Variants in AP4E1 observed in about 807,000 individuals in gnomAD.
The protein encoded by AP4E1 is AP-4 complex subunit epsilon-1.
In AP4E1, 56 loss-of-function variants were observed where a neutral mutation model predicts 128.2. The ratio of observed to expected loss-of-function variants is 0.44; its 90% confidence interval spans 0.35 to 0.55. The LOEUF is 0.55. AP4E1 is among the 20% of genes least tolerant of loss of function. The pLI is 0.00. For missense variants in AP4E1, 1,324 were observed against 1,307.7 expected, an observed-to-expected ratio of 1.01 and a Z score of -0.19; for synonymous variants, 484 against 473.1, an observed-to-expected ratio of 1.02 and a Z score of -0.30.
At chr15:50,964,696 G>C (rs1482653772) in intron 14 of AP4E1, among the ~76,000 whole-genome samples, 2 of 151,888 alleles carry the variant, frequency 1.3e-5, no homozygotes, top group Non-Finnish European at 2.9e-5. Flanking sequence ...GATTCTGGAT[G>C]GGCACAGTAG....
intron 7 of AP4E1, among the ~76,000 whole-genome samples, chr15:50,931,750 T>A (rs1292987851): frequency 6.6e-6 from 1 of 151,984 alleles, no homozygotes; most frequent in Non-Finnish European, 1.5e-5. Context: ...ATTCTTTTAA[T>A]TTTTTTTCCA....
At chr15:50,927,457 C>T (rs1222387040) in intron 5 of AP4E1, among the ~76,000 whole-genome samples, 2 of 151,474 alleles carry the variant, frequency 1.3e-5, no homozygotes, top group Non-Finnish European at 2.9e-5. Flanking sequence ...CTAGGTCTCT[C>T]GTCTTATGTT....
Position 50,915,574 on chromosome 15 carries a change from A to G in AP4E1, c.346+3A>G. On this transcript the variant is annotated splice_donor_region_variant and intron_variant, in intron 3 of 20. Transcript: ENST00000261842. ...AAACCTCTTAGAAAAAAGAGTAGGT[A>G]TGTATGTGTTTTAAGACTTTGATGC... is the stretch of plus-strand genomic sequence containing the variant. 1 of 1,613,492 alleles carries G rather than the reference A, an allele frequency of 6.2e-7. No individual in the cohort carries two copies. Among genetic ancestry groups the G allele is most frequent in the Non-Finnish European group, 8.5e-7 (1 of 1,179,664 alleles).
At chr15:50,940,760 C>T (rs770903663) in intron 8 of AP4E1, among the ~76,000 whole-genome samples, 3 of 152,124 alleles carry the variant, frequency 2.0e-5, no homozygotes, top group Non-Finnish European at 2.9e-5. Context: ...CCATTTTGAT[C>T]ATTCACTTTG....
intron 16 of AP4E1, among the ~76,000 whole-genome samples, chr15:50,990,868 A>G (rs2064796852): frequency 6.6e-6 from 1 of 152,196 alleles, no homozygotes; most frequent in African/African-American, 2.4e-5. Context: ...TTCCCTGGGA[A>G]GCACATTCTG....
At chr15:50,947,077 C>T (rs540557296) in intron 10 of AP4E1, among the ~76,000 whole-genome samples, 17 of 151,922 alleles carry the variant, frequency 1.1e-4, no homozygotes, top group Admixed American at 2.6e-4. Flanking sequence ...GCCTGGGCTA[C>T]AGAGTGAGAC....
In AP4E1 at chr15:50,986,398, G is replaced by A. The variant is rs759147660; in HGVS notation, c.2090+2253G>A. On this transcript the variant is annotated intron_variant, in intron 16 of 20. Coordinates refer to ENST00000261842, the MANE Select transcript of AP4E1 (RefSeq NM_007347.5). ...CCTGTCTTGTGCCACTTTTCAAAGG[G>A]AATGCTTCCAGTTTTTGCCCATTCA... Among the ~76,000 whole-genome samples the A allele has an allele frequency of 5.3e-3, 801 of 152,258 alleles. 2 individuals are homozygous for A. The highest frequency in any genetic ancestry group is 8.2e-3 in the Non-Finnish European group (558 of 68,034).
chr15:50,964,955 C>CCACACACACACACACACA (rs55825810), intron 14 of AP4E1, among the ~76,000 whole-genome samples: 3,259 of 131,340 alleles, frequency 0.025, 91 homozygotes, highest in East Asian at 0.059. Flanking sequence ...CCTCCCCCTA[C>CCACACACACACACACACA]CACACACACA....
intron 15 of AP4E1, among the ~76,000 whole-genome samples, chr15:50,971,966 G>C (rs1358511221): frequency 6.6e-6 from 1 of 151,870 alleles, no homozygotes; most frequent in Non-Finnish European, 1.5e-5. Context: ...TATGATTAGG[G>C]GTCTGTTACT....
At chr15:50,930,267 A>T (rs1486130650) in intron 6 of AP4E1, among the ~76,000 whole-genome samples, 1 of 138,266 alleles carries the variant, frequency 7.2e-6, no homozygotes, top group Non-Finnish European at 1.5e-5. Flanking sequence ...GGGTTTCACC[A>T]TGTTGGTCAG....
At chr15:50,961,630 A>T (rs2064315363) in intron 14 of AP4E1, among the ~76,000 whole-genome samples, 1 of 152,122 alleles carries the variant, frequency 6.6e-6, no homozygotes, top group Non-Finnish European at 1.5e-5. Context: ...ATATATGACA[A>T]ACCCAAAGCC....
intron 3 of AP4E1, among the ~76,000 whole-genome samples, chr15:50,918,904 AT>A (rs998538642): frequency 3.3e-5 from 5 of 150,892 alleles, no homozygotes; most frequent in East Asian, 2.0e-4. Flanking sequence ...CTTATTTTTG[AT>A]TTTTTTTTTT....
intron 17 of AP4E1, among the ~76,000 whole-genome samples, chr15:50,996,155 ATTTTTTTT>A (rs34048744): frequency 8.8e-6 from 1 of 113,416 alleles, no homozygotes; most frequent in East Asian, 2.6e-4. Context: ...CGCCTGGCTA[ATTTTTTTT>A]TTTTTTTTTT....
intron 8 of AP4E1, among the ~76,000 whole-genome samples, chr15:50,935,137 A>C (rs1253442895): frequency 6.6e-6 from 1 of 152,130 alleles, no homozygotes; most frequent in Non-Finnish European, 1.5e-5. Flanking sequence ...GCAGTGAATA[A>C]AACATTATGG....
At position 50,964,306 on chromosome 15, in the gene AP4E1, A is replaced by G. The variant is rs553082812; in HGVS notation, c.1852-3957A>G. Reference sequence around the variant, plus strand: ...TTCATTCATTGAATTCTTCAGTTCTATGAGTTCTGTTTGTTTCTTATTTAT... The same window carrying G: ...TTCATTCATTGAATTCTTCAGTTCTGTGAGTTCTGTTTGTTTCTTATTTAT... On this transcript the variant is annotated intron_variant, in intron 14 of 20. Transcript: ENST00000261842. 2.4e-4 allele frequency among the ~76,000 whole-genome samples: 36 copies of G among 152,162 alleles called. 1 individual carries two copies. In the South Asian group the frequency reaches 6.8e-3, roughly 29 times the overall value.
chr15:50,975,980 G>C (rs1596497961), intron 15 of AP4E1, among the ~76,000 whole-genome samples: 1 of 143,900 alleles, frequency 6.9e-6, no homozygotes, highest in Non-Finnish European at 1.6e-5. Context: ...GAGAGAGAGA[G>C]AAAGAGAGAG....
Position 50,930,947 on chromosome 15 carries a change from G to A in AP4E1, c.845G>A (p.Gly282Glu), listed in dbSNP as rs2063828023. Residue 282 changes from glycine (G) to glutamate (E), a missense_variant, in exon 7 of 21, where the codon GGA (glycine) becomes GAA (glutamate). Transcript: ENST00000261842. ...CAAATTCAGCTCTTGAGAATACTGGGACTTCTAGGAAAAGATGATCAAAGG... is the reference window on the plus strand; with the variant it reads ...CAAATTCAGCTCTTGAGAATACTGGAACTTCTAGGAAAAGATGATCAAAGG... ...WLQIQLLRIL[G>E]LLGKDDQRTS... is the part of the protein sequence containing the mutation. 1 of 1,614,026 alleles carries A rather than the reference G, an allele frequency of 6.2e-7. No individual in the cohort carries two copies.
intron 15 of AP4E1, among the ~76,000 whole-genome samples, chr15:50,980,346 T>C (rs2064626320): frequency 6.6e-6 from 1 of 152,198 alleles, no homozygotes; most frequent in Non-Finnish European, 1.5e-5. Context: ...TGAACTAGAA[T>C]ATCTGGTGGA....
intron 15 of AP4E1, among the ~76,000 whole-genome samples, chr15:50,973,212 T>A (rs2064506556): frequency 6.6e-6 from 1 of 152,216 alleles, no homozygotes; most frequent in Admixed American, 6.5e-5. Context: ...TTTTCCTATT[T>A]GTCCTTTAAT....
Sources: allele counts gnomAD v4.1 joint callset (sites outside exome capture counted in the v4.1 genomes callset), GRCh38; gene constraint gnomAD v4.1.1; transcripts MANE v1.5; gene names NCBI Gene and HGNC (gene_info 2026-07-23, HGNC 2026-07-21).